Variants in SDK2 observed in about 807,000 individuals in gnomAD.
SDK2 encodes the protein protein sidekick-2.
A neutral mutation model predicts 253.9 loss-of-function variants in SDK2; 105 were observed. The ratio of observed to expected loss-of-function variants is 0.41; its 90% CI spans 0.35 to 0.49. The LOEUF (loss-of-function observed/expected upper bound fraction) is 0.49, where lower values mean the gene tolerates loss of function less well. Ranked by LOEUF, SDK2 falls within the 20% of genes least tolerant of loss-of-function variation. SDK2 has a pLI of 0.06. For synonymous variants in SDK2, 1,249 were observed against 1,234.9 expected, an observed-to-expected ratio of 1.01 and a Z score of -0.24; for missense variants, 2,608 against 3,003.0, an observed-to-expected ratio of 0.87 and a Z score of 3.07.
At chr17:73,351,854 G>A (rs187961630) in intron 41 of SDK2, among the ~76,000 whole-genome samples, 53 of 152,194 alleles carry the variant, frequency 3.5e-4, no homozygotes, top group Non-Finnish European at 6.0e-4. Flanking sequence ...TGGGCAATGT[G>A]TGGCAGGGGG....
At chr17:73,521,886 C>T (rs780315296) in intron 1 of SDK2, among the ~76,000 whole-genome samples, 9 of 152,140 alleles carry the variant, frequency 5.9e-5, no homozygotes, top group Non-Finnish European at 1.2e-4. Flanking sequence ...GGACACTTTG[C>T]CTGGCTGAGG....
At chr17:73,341,429 C>T (rs2062436293) in intron 44 of SDK2, among the ~76,000 whole-genome samples, 1 of 152,022 alleles carries the variant, frequency 6.6e-6, no homozygotes, top group African/African-American at 2.4e-5. Context: ...AGATGGGCCC[C>T]CCCTCAGAAC....
intron 1 of SDK2, among the ~76,000 whole-genome samples, chr17:73,585,712 C>A (rs905623168): frequency 6.6e-6 from 1 of 152,172 alleles, no homozygotes; most frequent in African/African-American, 2.4e-5. Context: ...AGCCCCCAAC[C>A]CCACACTGTG....
At chr17:73,463,537 C>T (rs971402728) in intron 3 of SDK2, among the ~76,000 whole-genome samples, 1 of 152,180 alleles carries the variant, frequency 6.6e-6, no homozygotes, top group Non-Finnish European at 1.5e-5. Flanking sequence ...TCCCCCCTTC[C>T]CCGGCACCAG....
intron 1 of SDK2, among the ~76,000 whole-genome samples, chr17:73,620,904 GGTGATAAAATGTCTTGA>G (rs2046124790): frequency 6.6e-6 from 1 of 152,110 alleles, no homozygotes; most frequent in South Asian, 2.1e-4. Flanking sequence ...TTCCTTTTGG[GGTGATAAAATGTCTTGA>G]AACTAGATAG....
At chr17:73,545,514 C>T (rs940591521) in intron 1 of SDK2, among the ~76,000 whole-genome samples, 2 of 152,136 alleles carry the variant, frequency 1.3e-5, no homozygotes, top group African/African-American at 2.4e-5. Flanking sequence ...AGAAGGGGTG[C>T]GTTTGAGCTA....
chr17:73,379,283 GC>G lies in SDK2; in HGVS notation c.4873del (p.Ala1625GlnfsTer18). 1 of 1,554,520 alleles carries G rather than the reference GC, an allele frequency of 6.4e-7. No homozygotes were observed. The highest frequency in any genetic ancestry group is 8.7e-7 in the Non-Finnish European group (1 of 1,148,564). On this transcript the variant is annotated frameshift_variant, in exon 36 of 45. Transcript: ENST00000392650. LOFTEE classifies it high-confidence loss of function. The surrounding 1 kb of genome is among the most constrained non-coding windows in gnomAD (Gnocchi z 4.5). ...GTGGACGACCACGTTACGAGGTGCT[GC>G]TGTGGGCACTGGAGGGCGTGCAGGG... The part of the protein sequence containing the change: ...EVFVGEAVPT[A>X]APRNVVVHGA...
intron 1 of SDK2, among the ~76,000 whole-genome samples, chr17:73,552,424 A>G (rs1048904494): frequency 1.3e-5 from 2 of 152,236 alleles, no homozygotes; most frequent in Non-Finnish European, 2.9e-5. Context: ...GCGAGGACGC[A>G]TGACATCTGT....
At chr17:73,530,968 C>G (rs2064165227) in intron 1 of SDK2, among the ~76,000 whole-genome samples, 1 of 152,178 alleles carries the variant, frequency 6.6e-6, no homozygotes, top group African/African-American at 2.4e-5. Context: ...ATATGCCAGT[C>G]ACTCACTTCC....
chr17:73,491,834 G>C (rs1334014738), intron 2 of SDK2, among the ~76,000 whole-genome samples: 2 of 152,250 alleles, frequency 1.3e-5, no homozygotes, highest in African/African-American at 4.8e-5. Flanking sequence ...AAGCGCTGGG[G>C]ACCCGCCTGC....
chr17:73,357,207 A>G (rs1481096949), intron 40 of SDK2, among the ~76,000 whole-genome samples: 1 of 152,092 alleles, frequency 6.6e-6, no homozygotes, highest in East Asian at 1.9e-4. Flanking sequence ...AGAATTATTA[A>G]CTCTCTGCTA....
intron 38 of SDK2, among the ~76,000 whole-genome samples, chr17:73,362,495 G>A (rs12449957): frequency 0.59 from 89,559 of 150,934 alleles, 27,100 homozygotes; most frequent in East Asian, 0.96. Context: ...GGTTCAAGCC[G>A]TCCTGCCACT....
In SDK2 at chr17:73,531,591, T is replaced by C. The variant is rs539131110; in HGVS notation, c.65-23994A>G. ...ACCCCTGCCCCATCTCTGATCTAGA[T>C]TCCATCTGCCAGGCCCTTATCGCCT... On this transcript the variant is annotated intron_variant, in intron 1 of 44. Coordinates refer to ENST00000392650, the MANE Select transcript of SDK2 (RefSeq NM_001144952.2). Among the ~76,000 whole-genome samples, 4 of 152,322 alleles carry C rather than the reference T, an allele frequency of 2.6e-5. No homozygotes were observed. The East Asian group carries it at 7.7e-4, about 29-fold the overall frequency.
Position 73,385,921 on chromosome 17 carries a change from T to A in SDK2, c.4499-4A>T, listed in dbSNP as rs1599508675. The stretch of plus-strand genomic sequence containing the variant: ...ATGGTGGGTGCTTCATCGGGGGCTG[T>A]GGAGAGAAGCAGACAGGTGGGTTCT... On this transcript the variant is annotated splice_region_variant and splice_polypyrimidine_tract_variant and intron_variant, in intron 31 of 44. Coordinates refer to ENST00000392650, the MANE Select transcript of SDK2 (RefSeq NM_001144952.2). 6.3e-7 allele frequency: 1 copy of A among 1,598,252 alleles called. No homozygotes were observed. Among genetic ancestry groups the A allele is most frequent in the African/African-American group, 1.3e-5 (1 of 74,750 alleles).
At chr17:73,413,489 T>C (rs773783522) in intron 18 of SDK2, among the ~76,000 whole-genome samples, 1 of 152,054 alleles carries the variant, frequency 6.6e-6, no homozygotes, top group Non-Finnish European at 1.5e-5. Flanking sequence ...CATGGAAAAA[T>C]TGTCTTCCAT....
chr17:73,504,601 C>T (rs1443896363), intron 2 of SDK2: 1 of 130,412 alleles, frequency 7.7e-6, no homozygotes, highest in Non-Finnish European at 1.5e-5. Flanking sequence ...CACTGCACTC[C>T]AGCCTGGGGG....
At chr17:73,351,326 T>G (rs2062536569) in intron 41 of SDK2, among the ~76,000 whole-genome samples, 1 of 152,152 alleles carries the variant, frequency 6.6e-6, no homozygotes, top group Admixed American at 6.6e-5. Context: ...GCCAGGCTGG[T>G]CTCTAACTCC....
rs2062402026 is a variant in SDK2, at chr17:73,338,587, TCAAA to T, written c.6515_6518del (p.Val2172AspfsTer40). The T allele has an allele frequency of 6.6e-7, 1 of 1,506,140 alleles. No individual in the cohort carries two copies. Among genetic ancestry groups the T allele is most frequent in the Non-Finnish European group, 8.8e-7 (1 of 1,130,040 alleles). 93.3% of individuals were successfully genotyped at this position (1,506,140 alleles called of 1,614,324 possible). A position where few individuals can be genotyped will look rare whatever the true frequency, so the allele number is the denominator to read the frequency against. Reference sequence around the variant, plus strand: ...CTTTCTGCTTTTTCCTCTTCTGATGTCAAACAAATGATGAAAATCCTGCTATGGG... The same window carrying T: ...CTTTCTGCTTTTTCCTCTTCTGATGTCAAATGATGAAAATCCTGCTATGGG... On this transcript the variant is annotated frameshift_variant and stop_lost, in exon 45 of 45. Transcript: ENST00000392650. LOFTEE classifies it high-confidence loss of function. The surrounding 1 kb of genome is among the most constrained non-coding windows in gnomAD (Gnocchi z 5.0).
chr17:73,356,893 A>G (rs2062596430), intron 40 of SDK2, among the ~76,000 whole-genome samples: 1 of 152,224 alleles, frequency 6.6e-6, no homozygotes, highest in Non-Finnish European at 1.5e-5. Context: ...GGAAACACTG[A>G]GAATCAACAG....
Sources: allele counts gnomAD v4.1 joint callset (sites outside exome capture counted in the v4.1 genomes callset), GRCh38; gene constraint gnomAD v4.1.1; non-coding constraint Gnocchi (gnomAD v3.1); transcripts MANE v1.5; gene names NCBI Gene and HGNC (gene_info 2026-07-23, HGNC 2026-07-21).